Variants in CLNK observed in about 807,000 individuals in gnomAD.
CLNK encodes the protein cytokine dependent hematopoietic cell linker, also known as cytokine-dependent hematopoietic cell linker.
Under a neutral mutation model 68.6 loss-of-function variants are expected in CLNK, and 74 were observed. The ratio of observed to expected loss-of-function variants is 1.08; its 90% CI spans 0.89 to 1.31. The LOEUF (loss-of-function observed/expected upper bound fraction) is 1.31. Ranked by LOEUF, CLNK falls within the 50% of genes most tolerant of loss-of-function variation. The pLI is 0.00. For synonymous variants in CLNK, 198 were observed against 172.2 expected (o/e 1.15, Z -1.17); for missense variants, 553 against 515.3 (o/e 1.07, Z -0.71).
chr4:10,520,913 A>G, intron 14 of CLNK, 82 bp from the exon 15 acceptor site: 1 of 953,354 alleles, frequency 1.0e-6, no homozygotes, highest in Non-Finnish European at 1.7e-6. Flanking sequence ...AAGGTCAATG[A>G]TAATAGCCTG....
the CLNK span, among the ~76,000 whole-genome samples, chr4:10,717,965 A>C: frequency 6.6e-6 from 1 of 152,248 alleles, no homozygotes; most frequent in Non-Finnish European, 1.5e-5. Context: ...TGCTTGAAAC[A>C]AATGAAAAAA....
the CLNK span, among the ~76,000 whole-genome samples, chr4:10,729,628 C>A: frequency 2.0e-5 from 3 of 152,088 alleles, no homozygotes; most frequent in Admixed American, 6.6e-5. Context: ...CCTTTTGAAG[C>A]AACACTGATG....
In CLNK at chr4:10,490,574, T is replaced by A; in HGVS notation, c.1180A>T (p.Asn394Tyr). The change falls in exon 19 of 19, where the codon AAT (asparagine) becomes TAT (tyrosine). Residue 394 changes from asparagine to tyrosine, a missense_variant. Coordinates refer to ENST00000226951, the MANE Select transcript of CLNK (RefSeq NM_052964.4). Reference protein sequence around the residue: ...SVEDIIEHYKNFPIILIDGKD... With the variant: ...SVEDIIEHYKYFPIILIDGKD... Reference sequence around the variant, plus strand: ...CCATCAATTAGTATAATGGGAAAATTCTTGTAGTGTTCGATGATGTCTTCT... The same window carrying A: ...CCATCAATTAGTATAATGGGAAAATACTTGTAGTGTTCGATGATGTCTTCT... 3.8e-6 allele frequency: 6 copies of A among 1,589,006 alleles called. No individual in the cohort carries two copies. Among genetic ancestry groups the A allele is most frequent in the Non-Finnish European group, 5.1e-6 (6 of 1,166,786 alleles).
chr4:10,494,016 A>G (rs1716704547), intron 18 of CLNK, among the ~76,000 whole-genome samples: 1 of 152,248 alleles, frequency 6.6e-6, no homozygotes, highest in Non-Finnish European at 1.5e-5. Flanking sequence ...CCTCCCTTCT[A>G]GCTTTGCCAA....
intron 16 of CLNK, among the ~76,000 whole-genome samples, chr4:10,510,936 T>C (rs1038212882): frequency 1.3e-5 from 2 of 152,228 alleles, no homozygotes; most frequent in African/African-American, 4.8e-5. Flanking sequence ...GTGGATCACC[T>C]GAGGTCAGGA....
chr4:10,603,349 A>G (rs55919586), intron 2 of CLNK, among the ~76,000 whole-genome samples: 1 of 152,304 alleles, frequency 6.6e-6, no homozygotes, highest in South Asian at 2.1e-4. Flanking sequence ...AGAAATTTAT[A>G]TAAGATTTTC....
At chr4:10,695,092 G>T in the CLNK span, among the ~76,000 whole-genome samples, 46 of 152,126 alleles carry the variant, frequency 3.0e-4, no homozygotes, top group Non-Finnish European at 5.6e-4. Context: ...GTTTCAGTTA[G>T]ACAGGAGGAG....
At chr4:10,696,010 C>A in the CLNK span, among the ~76,000 whole-genome samples, 4 of 152,026 alleles carry the variant, frequency 2.6e-5, no homozygotes, top group Non-Finnish European at 4.4e-5. Context: ...TGCCTACCAC[C>A]CTGCCTGGTA....
chr4:10,664,328 C>T (rs73216720), intron 2 of CLNK, among the ~76,000 whole-genome samples: 16,247 of 152,142 alleles, frequency 0.11, 1,005 homozygotes, highest in East Asian at 0.23. Flanking sequence ...ATGATTCTAA[C>T]GCTCCTTCAG....
chr4:10,578,718 A>T (rs1720669732), intron 4 of CLNK, among the ~76,000 whole-genome samples: 1 of 150,490 alleles, frequency 6.6e-6, no homozygotes, highest in African/African-American at 2.4e-5. Context: ...CCTCCTGAGC[A>T]GCACCACCAC....
chr4:10,666,805 G>A (rs1424057858), intron 2 of CLNK, among the ~76,000 whole-genome samples: 1 of 152,206 alleles, frequency 6.6e-6, no homozygotes, highest in South Asian at 2.1e-4. Context: ...AAGAGCAGAA[G>A]CTCCAGCCTT....
intron 2 of CLNK, among the ~76,000 whole-genome samples, chr4:10,640,987 C>T (rs1577190380): frequency 6.6e-6 from 1 of 152,180 alleles, no homozygotes; most frequent in Admixed American, 6.5e-5. Flanking sequence ...GCTTGCCCAA[C>T]CCTCAACCGC....
At chr4:10,732,613 A>G in the CLNK span, among the ~76,000 whole-genome samples, 21 of 152,300 alleles carry the variant, frequency 1.4e-4, 1 homozygote, top group Non-Finnish European at 2.5e-4. Context: ...GTTCCATGGC[A>G]ATCAAAGACT....
intron 2 of CLNK, among the ~76,000 whole-genome samples, chr4:10,662,063 A>G (rs1339085073): frequency 1.3e-5 from 2 of 152,232 alleles, no homozygotes; most frequent in Non-Finnish European, 2.9e-5. Context: ...CTAGGTTATT[A>G]CTAGATAGTA....
chr4:10,588,910 G>A lies in CLNK; in HGVS notation c.84-3955C>T, dbSNP rs141392863. ...AATAGTCAAACCTATAGAGTGGAAG[G>A]GTGGGTTGCCAAGGGCTGGGTGGAG... On this transcript the variant is annotated intron_variant, in intron 3 of 18. Coordinates refer to ENST00000226951, the MANE Select transcript of CLNK (RefSeq NM_052964.4). Among the ~76,000 whole-genome samples, 264 of 152,146 alleles carry A rather than the reference G, an allele frequency of 1.7e-3. 1 individual carries two copies. The highest frequency in any genetic ancestry group is 3.5e-3 in the Middle Eastern group (1 of 288).
intron 2 of CLNK, among the ~76,000 whole-genome samples, chr4:10,639,070 A>G (rs533906142): frequency 9.7e-4 from 148 of 152,224 alleles, no homozygotes; most frequent in Non-Finnish European, 1.6e-3. Flanking sequence ...GACGCCTTCC[A>G]GAAGACATCT....
chr4:10,509,284 G>T (rs1717461678), intron 16 of CLNK, among the ~76,000 whole-genome samples: 1 of 152,112 alleles, frequency 6.6e-6, no homozygotes, highest in Admixed American at 6.5e-5. Context: ...GACACCACAT[G>T]ATCTGATGTG....
the CLNK span, chr4:10,697,222 G>C: frequency 6.6e-6 from 1 of 152,308 alleles, no homozygotes; most frequent in South Asian, 2.1e-4. Flanking sequence ...GGAGATTCAA[G>C]GCAGCAATCT....
chr4:10,606,347 A>T (rs924183777), intron 2 of CLNK, among the ~76,000 whole-genome samples: 1 of 152,144 alleles, frequency 6.6e-6, no homozygotes, highest in Non-Finnish European at 1.5e-5. Flanking sequence ...AATGACACGC[A>T]TGGAGTTGTC....
Sources: gnomAD v4.1 joint callset for allele counts (sites outside exome capture counted in the v4.1 genomes callset) on GRCh38, gnomAD v4.1.1 for gene constraint, MANE v1.5 for transcripts, NCBI Gene and HGNC (gene_info 2026-07-23, HGNC 2026-07-21) for gene names.